The following SNCAIP variants were observed in gnomAD, a reference collection of about 807,000 sequenced individuals.
The protein encoded by SNCAIP is synphilin-1.
Under a neutral mutation model 86.7 loss-of-function variants are expected in SNCAIP, and 43 were observed. That is an observed-to-expected ratio of 0.50 (90% CI 0.39 to 0.64). The LOEUF is 0.64. Among genes scored for constraint, SNCAIP ranks in the 30% least tolerant of loss-of-function variants. The probability of loss-of-function intolerance (pLI) is 0.00; values close to 1 mark genes in which losing one functional copy is unlikely to be tolerated. For synonymous variants in SNCAIP, 417 were observed against 427.2 expected (o/e 0.98, Z 0.29); for missense variants, 981 against 1,103.1 (o/e 0.89, Z 1.57).
chr5:122,440,260 T>C (rs997438397), intron 6 of SNCAIP, among the ~76,000 whole-genome samples: 17 of 152,194 alleles, frequency 1.1e-4, no homozygotes, highest in African/African-American at 3.4e-4. Flanking sequence ...AGCAAGAACA[T>C]TGCCTTGGGA....
At chr5:122,437,622 C>G (rs1779819366) in intron 6 of SNCAIP, among the ~76,000 whole-genome samples, 3 of 152,150 alleles carry the variant, frequency 2.0e-5, no homozygotes, top group Admixed American at 2.0e-4. Context: ...AAACCTTGTT[C>G]TGAACAGTCA....
At position 122,400,562 on chromosome 5, in the gene SNCAIP, A is replaced by T. The variant is rs188294160; in HGVS notation, c.58-3231A>T. 2.6e-5 allele frequency among the ~76,000 whole-genome samples: 4 copies of T among 152,354 alleles called. No homozygotes were observed. In the East Asian group the frequency reaches 7.7e-4, roughly 29 times the overall value. ...CAGATAAGAAACACCACAGCACATG[A>T]CAATGCAGAAACTTACCAAGGGGAG... On this transcript the variant is annotated intron_variant, in intron 2 of 10. Coordinates refer to ENST00000261368, the MANE Select transcript of SNCAIP (RefSeq NM_005460.4).
chr5:122,426,749 A>G (rs1777446255), intron 5 of SNCAIP, among the ~76,000 whole-genome samples: 1 of 152,256 alleles, frequency 6.6e-6, no homozygotes, highest in African/African-American at 2.4e-5. Context: ...ACAGGCAGCT[A>G]TCATGAAGAA....
At chr5:122,321,365 G>A (rs186481670) in intron 1 of SNCAIP, 1 of 152,212 alleles carries the variant, frequency 6.6e-6, no homozygotes, top group Admixed American at 6.5e-5. Flanking sequence ...ACAGGTGGCT[G>A]GTGACCCCTG....
At chr5:122,427,017 T>TAG (rs1777505639) in intron 5 of SNCAIP, among the ~76,000 whole-genome samples, 1 of 152,156 alleles carries the variant, frequency 6.6e-6, no homozygotes, top group Non-Finnish European at 1.5e-5. Context: ...TGTGACAGAG[T>TAG]TCTGTAGACA....
intron 1 of SNCAIP, among the ~76,000 whole-genome samples, chr5:122,346,090 C>A (rs1758572358): frequency 6.6e-6 from 1 of 152,082 alleles, no homozygotes; most frequent in Admixed American, 6.6e-5. Flanking sequence ...AATTAATAGA[C>A]ATATTAACTT....
chr5:122,331,941 G>A (rs1044595021), intron 1 of SNCAIP, among the ~76,000 whole-genome samples: 1 of 152,188 alleles, frequency 6.6e-6, no homozygotes, highest in Non-Finnish European at 1.5e-5. Flanking sequence ...CAGAAATTCA[G>A]TAAATATTTG....
At chr5:122,454,319 G>A (rs1037450977) in intron 10 of SNCAIP, 1 of 152,654 alleles carries the variant, frequency 6.6e-6, no homozygotes, top group Non-Finnish European at 1.5e-5. Context: ...TTAAATCTCA[G>A]TCATTTTAGG....
chr5:122,312,765 C>T (rs1750875104), intron 1 of SNCAIP: 1 of 152,618 alleles, frequency 6.6e-6, no homozygotes, highest in South Asian at 2.1e-4. Context: ...CCGCCCCTCG[C>T]TCATCAGCAC....
intron 1 of SNCAIP, among the ~76,000 whole-genome samples, chr5:122,366,777 T>C (rs1763280623): frequency 6.6e-6 from 1 of 152,168 alleles, no homozygotes; most frequent in African/African-American, 2.4e-5. Context: ...TGCGGCCATC[T>C]TCCCTGTAGG....
At chr5:122,353,611 A>G (rs1054248880) in intron 1 of SNCAIP, among the ~76,000 whole-genome samples, 3 of 152,076 alleles carry the variant, frequency 2.0e-5, no homozygotes, top group Admixed American at 2.0e-4. Flanking sequence ...TGCTATTCTC[A>G]TGATAGTGAA....
intron 10 of SNCAIP, among the ~76,000 whole-genome samples, chr5:122,456,022 G>C (rs1784662434): frequency 6.6e-6 from 1 of 152,160 alleles, no homozygotes. Flanking sequence ...ATTTCCCAGA[G>C]TTTAAGTCCA....
chr5:122,409,773 T>C (rs1773745669), intron 3 of SNCAIP, among the ~76,000 whole-genome samples: 1 of 152,236 alleles, frequency 6.6e-6, no homozygotes, highest in Non-Finnish European at 1.5e-5. Context: ...CTAAAATAAG[T>C]TGACATGAAA....
intron 10 of SNCAIP, among the ~76,000 whole-genome samples, chr5:122,462,680 C>A (rs1388285916): frequency 6.6e-6 from 1 of 152,176 alleles, no homozygotes; most frequent in African/African-American, 2.4e-5. Context: ...GGAGCCATGC[C>A]TGGGGTTCTC....
At chr5:122,381,609 G>A (rs1318388948) in intron 1 of SNCAIP, among the ~76,000 whole-genome samples, 14 of 147,720 alleles carry the variant, frequency 9.5e-5, no homozygotes, top group East Asian at 2.0e-4. Context: ...GATTTTGCTC[G>A]TTAGTTGATG....
chr5:122,351,017 G>A (rs1397896262), intron 1 of SNCAIP, among the ~76,000 whole-genome samples: 1 of 152,126 alleles, frequency 6.6e-6, no homozygotes, highest in Non-Finnish European at 1.5e-5. Context: ...TATGTGTCTA[G>A]CACATCAATT....
At chr5:122,377,552 T>A (rs1475278782) in intron 1 of SNCAIP, among the ~76,000 whole-genome samples, 4 of 151,814 alleles carry the variant, frequency 2.6e-5, no homozygotes, top group Non-Finnish European at 4.4e-5. Context: ...ATATTTTTTT[T>A]ATATACTTTA....
At chr5:122,419,315 A>G (rs186897360) in intron 3 of SNCAIP, among the ~76,000 whole-genome samples, 39 of 152,332 alleles carry the variant, frequency 2.6e-4, no homozygotes, top group Admixed American at 2.2e-3. Flanking sequence ...ATGTTTGTTC[A>G]ATCAATAGAT....
chr5:122,461,944 C>T (rs1786431710), intron 10 of SNCAIP, among the ~76,000 whole-genome samples: 1 of 152,208 alleles, frequency 6.6e-6, no homozygotes, highest in Non-Finnish European at 1.5e-5. Flanking sequence ...GTTGGGATTA[C>T]AGGCATGAGC....
Sources: allele counts gnomAD v4.1 joint callset (sites outside exome capture counted in the v4.1 genomes callset), GRCh38; gene constraint gnomAD v4.1.1; transcripts MANE v1.5; gene names NCBI Gene and HGNC (gene_info 2026-07-23, HGNC 2026-07-21).